The following BTNL8 variants were observed in gnomAD, a reference collection of about 807,000 sequenced individuals.
BTNL8 encodes butyrophilin like 8.
In BTNL8, 22 loss-of-function variants were observed where a neutral mutation model predicts 36.1. The ratio of observed to expected loss-of-function variants is 0.61; its 90% CI spans 0.44 to 0.87. The LOEUF is 0.87. Ranked by LOEUF, BTNL8 falls within the 40% of genes least tolerant of loss-of-function variation. The pLI, the probability that BTNL8 is intolerant of heterozygous loss-of-function variation, is 0.00. For synonymous variants in BTNL8, 203 were observed against 235.6 expected, an observed-to-expected ratio of 0.86 and a Z score of 1.27; for missense variants, 526 against 616.9, an observed-to-expected ratio of 0.85 and a Z score of 1.56.
intron 3 of BTNL8, among the ~76,000 whole-genome samples, chr5:180,927,498 G>A (rs1013310268): frequency 2.6e-5 from 4 of 152,194 alleles, no homozygotes; most frequent in African/African-American, 4.8e-5. Context: ...ATTGACAGAA[G>A]TAGGCTTCAG....
At chr5:180,943,518 C>G (rs1759088056) in intron 3 of BTNL8, among the ~76,000 whole-genome samples, 1 of 152,112 alleles carries the variant, frequency 6.6e-6, no homozygotes, top group African/African-American at 2.4e-5. Context: ...CACTAGTCAT[C>G]AGGGAAATGC....
At position 180,949,948 on chromosome 5, in the gene BTNL8, G is replaced by C; in HGVS notation, c.907G>C (p.Val303Leu). The change falls in exon 8 of 8, where the codon GTT becomes CTT. Residue 303 changes from valine (V) to leucine (L), a missense_variant. Val to Leu is a conservative substitution (Grantham distance 32). This residue lies in a region of BTNL8 where 176 missense variants were observed against 292.3 expected (regional missense o/e 0.60). Coordinates refer to ENST00000340184, the MANE Select transcript of BTNL8 (RefSeq NM_001040462.3). Reference protein sequence around the residue: ...DPETAHPKLCVSDLKTVTHRK... With the variant: ...DPETAHPKLCLSDLKTVTHRK... ...AGAGACGGCTCACCCGAAGCTCTGC[G>C]TTTCTGATCTGAAAACTGTAACCCA... 1 of 1,461,144 alleles carries C rather than the reference G, an allele frequency of 6.8e-7. No homozygotes were observed. The highest frequency in any genetic ancestry group is 9.4e-7 in the Non-Finnish European group (1 of 1,058,298). The allele number at this position is 1,461,144 out of a possible 1,614,324, so 90.5% of individuals were successfully genotyped here. A position where few individuals can be genotyped will look rare whatever the true frequency, so the allele number is the denominator to read the frequency against.
At chr5:180,907,951 A>C (rs1235826425) in intron 1 of BTNL8, among the ~76,000 whole-genome samples, 2 of 152,148 alleles carry the variant, frequency 1.3e-5, no homozygotes, top group East Asian at 3.9e-4. Flanking sequence ...TTAAGTCTGC[A>C]GAGGTTACTG....
chr5:180,922,324 T>A (rs1174822450), intron 3 of BTNL8, among the ~76,000 whole-genome samples: 1 of 151,996 alleles, frequency 6.6e-6, no homozygotes, highest in Non-Finnish European at 1.5e-5. Flanking sequence ...TTGATGTAGT[T>A]GTTTAGTGCT....
chr5:180,948,511 C>T (rs1045448290), intron 5 of BTNL8, 136 bp downstream of exon 5: 64 of 1,606,770 alleles, frequency 4.0e-5, no homozygotes, highest in Admixed American at 5.0e-5. Context: ...AGCAGCTGCT[C>T]GCTCTCTCCA....
At chr5:180,913,730 C>T (rs558344172) in intron 3 of BTNL8, among the ~76,000 whole-genome samples, 3 of 152,264 alleles carry the variant, frequency 2.0e-5, no homozygotes, top group East Asian at 1.9e-4. Context: ...TGTTAGGAGC[C>T]TTTGCCAGGC....
At chr5:180,941,722 A>C in intron 3 of BTNL8, among the ~76,000 whole-genome samples, 1 of 152,050 alleles carries the variant, frequency 6.6e-6, no homozygotes, top group Non-Finnish European at 1.5e-5. Context: ...ATAGACATTA[A>C]AAAATATTTG....
rs1031810781 is a variant in BTNL8 at position 180,949,024 on chromosome 5, C to T, written c.835+78C>T. ...GTTTATGGATTTTTATATCCTGAGGCCCGTGGGTCCCTGCAGAGCCAAGCT... is the reference window on the plus strand; with the variant it reads ...GTTTATGGATTTTTATATCCTGAGGTCCGTGGGTCCCTGCAGAGCCAAGCT... On this transcript the variant is annotated intron_variant, in intron 6 of 7. Transcript: ENST00000340184. 7.2e-5 allele frequency: 46 copies of T among 642,452 alleles called. 10 individuals carry two copies. Among genetic ancestry groups the T allele is most frequent in the Non-Finnish European group, 1.1e-4 (44 of 393,614 alleles). 39.8% of individuals were successfully genotyped at this position (642,452 alleles called of 1,614,324 possible).
intron 3 of BTNL8, among the ~76,000 whole-genome samples, chr5:180,915,971 G>A (rs1757608644): frequency 6.6e-6 from 1 of 152,178 alleles, no homozygotes; most frequent in Non-Finnish European, 1.5e-5. Context: ...TGCTGTACCA[G>A]AATACCTGAG....
rs1295191468 is a variant in BTNL8 at position 180,949,489 on chromosome 5, C to T, written c.862+224C>T. 10 of 687,364 alleles carry T rather than the reference C, an allele frequency of 1.5e-5. 1 individual carries two copies. The highest frequency in any genetic ancestry group is 1.0e-4 in the East Asian group (3 of 29,906). 42.6% of individuals were successfully genotyped at this position (687,364 alleles called of 1,614,324 possible). A position where few individuals can be genotyped will look rare whatever the true frequency, so the allele number is the denominator to read the frequency against. ...AGACAGGGGCTGGGTAAACGGGAGA[C>T]GGGGGGGTCTTTGGCACAGTTTCAG... On this transcript the variant is annotated intron_variant, in intron 7 of 7. Transcript: ENST00000340184.
intron 3 of BTNL8, among the ~76,000 whole-genome samples, chr5:180,922,805 C>G (rs1757928365): frequency 6.6e-6 from 1 of 151,710 alleles, no homozygotes; most frequent in Non-Finnish European, 1.5e-5. Flanking sequence ...AAGTCTCCCA[C>G]TATTATTGTG....
intron 3 of BTNL8, among the ~76,000 whole-genome samples, chr5:180,942,102 G>A (rs928861722): frequency 6.6e-6 from 1 of 151,922 alleles, no homozygotes; most frequent in Non-Finnish European, 1.5e-5. Context: ...TAATGTTGCA[G>A]GATACAAAAT....
At chr5:180,899,521 GT>G (rs1756732301) in intron 1 of BTNL8, among the ~76,000 whole-genome samples, 162 bp downstream of exon 1, 1 of 152,198 alleles carries the variant, frequency 6.6e-6, no homozygotes, top group Non-Finnish European at 1.5e-5. Context: ...AACAATTATA[GT>G]AGCCCCCAAA....
chr5:180,935,269 G>A lies in BTNL8; in HGVS notation c.674-12243G>A, dbSNP rs192146958. On this transcript the variant is annotated intron_variant, in intron 3 of 7. Coordinates refer to ENST00000340184, the MANE Select transcript of BTNL8 (RefSeq NM_001040462.3). The surrounding 1 kb of genome is among the most constrained non-coding windows in gnomAD (Gnocchi z 4.8). ...CTGGCTTGAAGGTAGTTAGGGACCT[G>A]CCCCTTTCCACCCAGGAACCTGTTT... 4.1e-3 allele frequency among the ~76,000 whole-genome samples: 623 copies of A among 152,258 alleles called. 7 individuals carry two copies. Among genetic ancestry groups the A allele is most frequent in the African/African-American group, 0.014 (598 of 41,534 alleles).
intron 3 of BTNL8, among the ~76,000 whole-genome samples, chr5:180,916,296 T>G (rs1757625504): frequency 6.6e-6 from 1 of 152,136 alleles, no homozygotes; most frequent in African/African-American, 2.4e-5. Flanking sequence ...TGATGAAAAA[T>G]TTTTAAACAA....
intron 3 of BTNL8, among the ~76,000 whole-genome samples, chr5:180,922,559 G>A (rs957681715): frequency 9.6e-5 from 12 of 124,438 alleles, no homozygotes; most frequent in South Asian, 7.2e-4. Context: ...CTGAGAGAGC[G>A]GTTGTTATGA....
In BTNL8 at chr5:180,911,418, G is replaced by T. The variant is rs375136243; in HGVS notation, c.477G>T (p.Trp159Cys). 35 of 1,614,078 alleles carry T rather than the reference G, an allele frequency of 2.2e-5. No homozygotes were observed. The highest frequency in any genetic ancestry group is 2.8e-5 in the Non-Finnish European group (33 of 1,180,056). Residue 159 changes from tryptophan to cysteine, a missense_variant, in exon 3 of 8, where the codon TGG becomes TGT. Trp to Cys is a radical substitution (Grantham distance 215). Transcript: ENST00000340184. ...AGCTACTCTGTCAGTCCTCGGGCTG[G>T]TTCCCCCGGCCCACAGCGAAGTGGA... ...DIQLLCQSSG[W>C]FPRPTAKWKG...
intron 3 of BTNL8, among the ~76,000 whole-genome samples, chr5:180,937,529 A>G (rs1456863040): frequency 6.6e-6 from 1 of 152,234 alleles, no homozygotes; most frequent in Admixed American, 6.5e-5. Context: ...GGAACTAGAA[A>G]AATAAAAAAA....
chr5:180,907,851 T>C (rs9687540), intron 1 of BTNL8, among the ~76,000 whole-genome samples: 63,787 of 146,516 alleles, frequency 0.44, 14,673 homozygotes, highest in African/African-American at 0.61. Context: ...GGTCAGGGAC[T>C]CACTTGAGGA....
Sources: allele counts gnomAD v4.1 joint callset (sites outside exome capture counted in the v4.1 genomes callset), GRCh38; gene constraint gnomAD v4.1.1; regional missense constraint gnomAD v4.1.1; non-coding constraint Gnocchi (gnomAD v3.1); transcripts MANE v1.5; gene names NCBI Gene and HGNC (gene_info 2026-07-23, HGNC 2026-07-21).